Variants in ADARB2 observed in about 807,000 individuals in gnomAD.
ADARB2 encodes inactive double-stranded RNA-specific editase B2.
Under a neutral mutation model 62.2 loss-of-function variants are expected in ADARB2, and 25 were observed. That is an observed-to-expected ratio of 0.40 (90% CI 0.29 to 0.56). ADARB2 has a LOEUF of 0.56. Among genes scored for constraint, ADARB2 ranks in the 20% least tolerant of loss-of-function variants. The pLI is 0.43. For synonymous variants in ADARB2, 572 were observed against 500.8 expected (o/e 1.14, Z -1.90); for missense variants, 1,071 against 1,077.4 (o/e 0.99, Z 0.08).
intron 3 of ADARB2, among the ~76,000 whole-genome samples, chr10:1,307,180 G>A (rs9794736): frequency 0.12 from 8,822 of 70,832 alleles, 1,004 homozygotes; most frequent in East Asian, 0.38. Flanking sequence ...CGCAACCTAC[G>A]CATCTGACAA....
chr10:1,317,376 A>G (rs191223074), intron 3 of ADARB2, among the ~76,000 whole-genome samples: 1 of 152,346 alleles, frequency 6.6e-6, no homozygotes, highest in African/African-American at 2.4e-5. Flanking sequence ...CATAATCTCC[A>G]CGAGCCTGAC....
At chr10:1,618,312 A>C (rs1833667220) in intron 1 of ADARB2, among the ~76,000 whole-genome samples, 1 of 152,134 alleles carries the variant, frequency 6.6e-6, no homozygotes, top group Non-Finnish European at 1.5e-5. Context: ...ACAACCCCAA[A>C]TTATAACTGT....
chr10:1,434,970 TAGC>T (rs1830817993), intron 1 of ADARB2, among the ~76,000 whole-genome samples: 1 of 152,206 alleles, frequency 6.6e-6, no homozygotes, highest in Non-Finnish European at 1.5e-5. Flanking sequence ...CAGAGAGAAA[TAGC>T]AGCCCAACCC....
At chr10:1,466,778 C>T (rs551876373) in intron 1 of ADARB2, among the ~76,000 whole-genome samples, 2 of 152,302 alleles carry the variant, frequency 1.3e-5, no homozygotes, top group East Asian at 3.9e-4. Flanking sequence ...CACCTGGAAC[C>T]ACAGAGCACG....
chr10:1,480,040 T>C (rs188635666), intron 1 of ADARB2, among the ~76,000 whole-genome samples: 5 of 149,964 alleles, frequency 3.3e-5, no homozygotes, highest in South Asian at 2.2e-4. Flanking sequence ...ATGCTCTCAA[T>C]ATGATAAAAA....
At chr10:1,592,161 G>C (rs918014031) in intron 1 of ADARB2, among the ~76,000 whole-genome samples, 1 of 152,188 alleles carries the variant, frequency 6.6e-6, no homozygotes, top group African/African-American at 2.4e-5. Flanking sequence ...GGGATAAAAT[G>C]CTTTTGATGA....
At chr10:1,357,943 C>T (rs971438496) in intron 3 of ADARB2, among the ~76,000 whole-genome samples, 16 of 152,338 alleles carry the variant, frequency 1.1e-4, no homozygotes, top group Non-Finnish European at 1.3e-4. Context: ...GTTTTTCCTA[C>T]GTTTGCACAA....
chr10:1,664,058 C>T (rs1460785286), intron 1 of ADARB2, among the ~76,000 whole-genome samples: 2 of 152,232 alleles, frequency 1.3e-5, no homozygotes, highest in Non-Finnish European at 2.9e-5. Context: ...TGTTTCTGTG[C>T]AGTTTCTGTG....
At chr10:1,693,653 C>T (rs565299756) in intron 1 of ADARB2, among the ~76,000 whole-genome samples, 61 of 152,254 alleles carry the variant, frequency 4.0e-4, no homozygotes, top group African/African-American at 1.4e-3. Flanking sequence ...ATATATTTGA[C>T]TCTTCCAACC....
chr10:1,485,388 C>G (rs1831527018), intron 1 of ADARB2, among the ~76,000 whole-genome samples: 1 of 152,072 alleles, frequency 6.6e-6, no homozygotes, highest in Non-Finnish European at 1.5e-5. Flanking sequence ...ATAGATAGAT[C>G]TCTACCTAAG....
At chr10:1,209,053 G>A (rs1309637146) in intron 7 of ADARB2, among the ~76,000 whole-genome samples, 1 of 152,084 alleles carries the variant, frequency 6.6e-6, no homozygotes, top group African/African-American at 2.4e-5. Context: ...TGCAGTGAGG[G>A]GCGTGTGGCT....
intron 1 of ADARB2, among the ~76,000 whole-genome samples, chr10:1,601,413 G>A (rs1833411388): frequency 6.6e-6 from 1 of 152,200 alleles, no homozygotes; most frequent in South Asian, 2.1e-4. Flanking sequence ...ACGGTTTCCT[G>A]TGCCCTGAAG....
chr10:1,628,910 C>G (rs1833806980), intron 1 of ADARB2, among the ~76,000 whole-genome samples: 1 of 152,222 alleles, frequency 6.6e-6, no homozygotes, highest in Non-Finnish European at 1.5e-5. Flanking sequence ...TCCCTGGTGT[C>G]CGTTGGGTTC....
intron 1 of ADARB2, among the ~76,000 whole-genome samples, chr10:1,692,684 C>T (rs753724780): frequency 3.4e-4 from 51 of 151,146 alleles, no homozygotes; most frequent in Admixed American, 1.4e-3. Flanking sequence ...TAAACACCTT[C>T]TCTGCTTGGC....
At chr10:1,693,146 A>G (rs1314294534) in intron 1 of ADARB2, among the ~76,000 whole-genome samples, 1 of 152,198 alleles carries the variant, frequency 6.6e-6, no homozygotes, top group African/African-American at 2.4e-5. Context: ...TAATTATGGA[A>G]CAAATGGCTT....
At chr10:1,245,870 A>G (rs7904047) in intron 4 of ADARB2, among the ~76,000 whole-genome samples, 127,247 of 150,694 alleles carry the variant, frequency 0.84, 53,918 homozygotes, top group Middle Eastern at 0.92. Flanking sequence ...GGATGGCTGG[A>G]TCAAATGGTA....
In ADARB2 at chr10:1,184,853, C is replaced by T. The variant is rs200137747; in HGVS notation, c.2043+8G>A. ...TCCAGTTTCCCTGCAAGGATGGGTGCGACCTACCCTGCCATACAGCCGCGC... is the reference window on the plus strand; with the variant it reads ...TCCAGTTTCCCTGCAAGGATGGGTGTGACCTACCCTGCCATACAGCCGCGC... On this transcript the variant is annotated splice_region_variant and intron_variant, in intron 9 of 9. Transcript: ENST00000381312. The T allele has an allele frequency of 2.4e-4, 387 of 1,609,144 alleles. No individual in the cohort carries two copies. The highest frequency in any genetic ancestry group is 3.0e-4 in the Non-Finnish European group (357 of 1,177,310).
At chr10:1,634,161 G>T (rs7903645) in intron 1 of ADARB2, among the ~76,000 whole-genome samples, 1 of 151,958 alleles carries the variant, frequency 6.6e-6, no homozygotes, top group East Asian at 1.9e-4. Context: ...AGGACCCTGG[G>T]GCCACACCCG....
At chr10:1,688,183 G>A (rs904502243) in intron 1 of ADARB2, among the ~76,000 whole-genome samples, 7 of 152,218 alleles carry the variant, frequency 4.6e-5, no homozygotes, top group Admixed American at 1.3e-4. Context: ...GACCTGGGGG[G>A]TTGAGTCCCA....
Sources: allele counts gnomAD v4.1 joint callset (sites outside exome capture counted in the v4.1 genomes callset), GRCh38; gene constraint gnomAD v4.1.1; transcripts MANE v1.5; gene names NCBI Gene and HGNC (gene_info 2026-07-23, HGNC 2026-07-21).